The following GSK3B variants were observed in gnomAD, a reference collection of about 807,000 sequenced individuals.
The protein encoded by GSK3B is glycogen synthase kinase-3 beta.
Under a neutral mutation model 56.4 loss-of-function variants are expected in GSK3B, and 15 were observed. The ratio of observed to expected loss-of-function variants is 0.27; its 90% CI spans 0.18 to 0.41. The LOEUF (loss-of-function observed/expected upper bound fraction) is 0.41, where lower values mean the gene tolerates loss of function less well. GSK3B is among the 10% of genes least tolerant of loss of function. The pLI, the probability that GSK3B is intolerant of heterozygous loss-of-function variation, is 1.00. For synonymous variants in GSK3B, 181 were observed against 188.9 expected (o/e 0.96, Z 0.34); for missense variants, 300 against 513.4 (o/e 0.58, Z 4.02).
At chr3:120,077,572 A>G (rs2058377983) in intron 1 of GSK3B, among the ~76,000 whole-genome samples, 1 of 152,030 alleles carries the variant, frequency 6.6e-6, no homozygotes, top group Admixed American at 6.5e-5. Flanking sequence ...AATGTACAAC[A>G]TGAAGACTAT....
intron 7 of GSK3B, among the ~76,000 whole-genome samples, chr3:119,893,652 G>A (rs1000205944): frequency 1.1e-4 from 17 of 152,108 alleles, no homozygotes; most frequent in African/African-American, 3.1e-4. Flanking sequence ...GGGTCCCCCC[G>A]TGTGCCTATA....
chr3:119,835,191 A>G (rs2055670534), intron 10 of GSK3B, among the ~76,000 whole-genome samples: 2 of 152,210 alleles, frequency 1.3e-5, no homozygotes. Flanking sequence ...CTCCCACTCT[A>G]TGAGGACATG....
intron 1 of GSK3B, among the ~76,000 whole-genome samples, chr3:120,067,136 T>C (rs2058287409): frequency 6.6e-6 from 1 of 151,116 alleles, no homozygotes. Flanking sequence ...ACAATGATCA[T>C]AAATGACTGT....
chr3:119,879,338 G>A (rs890531159), intron 7 of GSK3B, among the ~76,000 whole-genome samples: 2 of 152,036 alleles, frequency 1.3e-5, no homozygotes, highest in Middle Eastern at 3.4e-3. Context: ...CCACCACCAC[G>A]CCTGGCTAAT....
At chr3:119,906,997 T>G (rs1342560916) in intron 6 of GSK3B, among the ~76,000 whole-genome samples, 2 of 152,084 alleles carry the variant, frequency 1.3e-5, no homozygotes, top group Non-Finnish European at 2.9e-5. Flanking sequence ...ACATCTATTC[T>G]GCAAATATAG....
intron 1 of GSK3B, among the ~76,000 whole-genome samples, chr3:120,009,277 G>A (rs949325850): frequency 2.6e-5 from 4 of 152,140 alleles, no homozygotes; most frequent in Non-Finnish European, 5.9e-5. Context: ...ACAGTGTAGC[G>A]ATTCCTCAAG....
intron 9 of GSK3B, among the ~76,000 whole-genome samples, chr3:119,854,111 G>T (rs954532982): frequency 1.3e-5 from 2 of 152,158 alleles, no homozygotes; most frequent in African/African-American, 4.8e-5. Context: ...CTAGTTTATT[G>T]AGAGTTTTTA....
At chr3:119,915,726 C>G (rs1048243051) in intron 5 of GSK3B, among the ~76,000 whole-genome samples, 7 of 151,936 alleles carry the variant, frequency 4.6e-5, no homozygotes, top group African/African-American at 1.7e-4. Flanking sequence ...CTGCATGTAC[C>G]GTAATTTATT....
intron 3 of GSK3B, among the ~76,000 whole-genome samples, chr3:119,943,991 A>G (rs2057074911): frequency 6.6e-6 from 1 of 152,186 alleles, no homozygotes; most frequent in Non-Finnish European, 1.5e-5. Context: ...AAAAAGGGCT[A>G]GAGAAAGAGA....
In GSK3B at chr3:120,093,915, G is replaced by C; in HGVS notation, c.-481C>G. The C allele has an allele frequency of 4.7e-6, 1 of 212,354 alleles. No homozygotes were observed. The allele number at this position is 212,354 out of a possible 1,614,324, so 13.2% of individuals were successfully genotyped here. A position where few individuals can be genotyped will look rare whatever the true frequency, so the allele number is the denominator to read the frequency against. ...GATGGGTAGGAGGGAGGGAGAGGGA[G>C]GGAGGGGGTGGCTCGGAGATGCGAC... On this transcript the variant is annotated 5_prime_UTR_variant, in exon 1 of 11. Coordinates refer to ENST00000264235, the MANE Select transcript of GSK3B (RefSeq NM_001146156.2).
chr3:119,833,687 GTTGTTTTTT>G (rs2055639900), intron 10 of GSK3B, among the ~76,000 whole-genome samples: 1 of 133,448 alleles, frequency 7.5e-6, no homozygotes, highest in African/African-American at 2.9e-5. Flanking sequence ...GAAACATTAG[GTTGTTTTTT>G]TTTTTTTTTT....
At chr3:120,032,358 C>A (rs1326948358) in intron 1 of GSK3B, among the ~76,000 whole-genome samples, 1 of 151,950 alleles carries the variant, frequency 6.6e-6, no homozygotes, top group Non-Finnish European at 1.5e-5. Flanking sequence ...ACCTGTAATC[C>A]CAGCTACTCA....
intron 2 of GSK3B, among the ~76,000 whole-genome samples, chr3:119,954,633 CATA>C (rs2057194348): frequency 1.3e-5 from 2 of 152,062 alleles, no homozygotes; most frequent in South Asian, 4.2e-4. Context: ...ATGGAATAAG[CATA>C]ATATCAGTAT....
At chr3:120,084,673 T>C (rs1385314548) in intron 1 of GSK3B, 1 of 152,166 alleles carries the variant, frequency 6.6e-6, no homozygotes, top group East Asian at 1.9e-4. Context: ...GTTAGAAAAA[T>C]AGAAAGTTAA....
chr3:119,983,494 TAA>T (rs938968591), intron 2 of GSK3B, among the ~76,000 whole-genome samples: 1 of 135,300 alleles, frequency 7.4e-6, no homozygotes, highest in Non-Finnish European at 1.6e-5. Flanking sequence ...AGACTCAAAA[TAA>T]AGAGATGGAG....
chr3:120,003,967 G>C (rs1353478554), intron 1 of GSK3B, among the ~76,000 whole-genome samples: 2 of 152,246 alleles, frequency 1.3e-5, no homozygotes, highest in East Asian at 1.9e-4. Context: ...GAAGTGCAAA[G>C]GGTTGGGGGA....
intron 9 of GSK3B, among the ~76,000 whole-genome samples, chr3:119,853,196 C>G (rs954112611): frequency 1.3e-5 from 2 of 152,158 alleles, no homozygotes; most frequent in African/African-American, 2.4e-5. Flanking sequence ...TTCCCCATTT[C>G]TTGTTTTTGT....
intron 1 of GSK3B, among the ~76,000 whole-genome samples, chr3:120,014,465 T>C (rs2057806654): frequency 6.6e-6 from 1 of 152,146 alleles, no homozygotes; most frequent in Non-Finnish European, 1.5e-5. Flanking sequence ...GGGGCTTTAT[T>C]TATGATGCGG....
intron 1 of GSK3B, among the ~76,000 whole-genome samples, chr3:120,059,088 T>C (rs2058216306): frequency 6.6e-6 from 1 of 151,292 alleles, no homozygotes; most frequent in Non-Finnish European, 1.5e-5. Context: ...AAAAAAGACA[T>C]ACATACATAC....
Sources: gnomAD v4.1 joint callset for allele counts (sites outside exome capture counted in the v4.1 genomes callset) on GRCh38, gnomAD v4.1.1 for gene constraint, MANE v1.5 for transcripts, NCBI Gene and HGNC (gene_info 2026-07-23, HGNC 2026-07-21) for gene names.